Variants in TSC2 observed in about 807,000 individuals in gnomAD.
TSC2 encodes tuberin.
In TSC2, 29 loss-of-function variants were observed where a neutral mutation model predicts 202.2. That is an observed-to-expected ratio of 0.14 (90% CI 0.11 to 0.20). TSC2 has a LOEUF of 0.20. Among genes scored for constraint, TSC2 ranks in the 10% least tolerant of loss-of-function variants. The pLI is 1.00. For missense variants in TSC2, 2,429 were observed against 2,420.0 expected (o/e 1.00, Z -0.08); for synonymous variants, 1,349 against 1,044.0 (o/e 1.29, Z -5.63).
At chr16:2,052,604 T>C (rs2085269287) in intron 3 of TSC2, among the ~76,000 whole-genome samples, 1 of 152,172 alleles carries the variant, frequency 6.6e-6, no homozygotes, top group African/African-American at 2.4e-5. Context: ...GCCACCGCAC[T>C]TGGCCAGAAC....
chr16:2,059,670 C>T (rs2086391127), intron 10 of TSC2, among the ~76,000 whole-genome samples: 1 of 152,070 alleles, frequency 6.6e-6, no homozygotes, highest in South Asian at 2.1e-4. Flanking sequence ...TAGGCATGGG[C>T]CACTACACAC....
In TSC2 at chr16:2,079,818, C is replaced by A; in HGVS notation, c.3397+149C>A. On this transcript the variant is annotated intron_variant, in intron 29 of 41. Coordinates refer to ENST00000219476, the MANE Select transcript of TSC2 (RefSeq NM_000548.5). This position sits in a 1 kb window ranked among gnomAD's most constrained non-coding sequence, Gnocchi z 4.6. ...TCCTGACTCTGGGGTGAGCCTTCCA[C>A]AGCTCACCCCAGAGCCGTGGAGTGG... is the stretch of plus-strand genomic sequence containing the variant. 2.6e-6 allele frequency: 2 copies of A among 768,306 alleles called. No homozygotes were observed. Among genetic ancestry groups the A allele is most frequent in the Non-Finnish European group, 4.1e-6 (2 of 489,304 alleles). The allele number at this position is 768,306 out of a possible 1,614,324, so 47.6% of individuals were successfully genotyped here.
In TSC2 at chr16:2,086,842, G is replaced by A. The variant is rs771911660; in HGVS notation, c.4960G>A (p.Gly1654Ser). The change falls in exon 38 of 42, where the codon GGT (glycine) becomes AGT (serine). Residue 1654 changes from glycine to serine, a missense_variant. Transcript: ENST00000219476. ...DFVSIVYNDS[G>S]EDFKLGTIKG... ...TGTGTCCATTGTCTACAATGACTCC[G>A]GTGAGGACTTCAAGCTTGGCACCAT... 1.6e-5 allele frequency: 26 copies of A among 1,603,256 alleles called. No homozygotes were observed. Among genetic ancestry groups the A allele is most frequent in the South Asian group, 4.5e-5 (4 of 89,766 alleles).
At position 2,088,260 on chromosome 16, in the gene TSC2, C is replaced by T. The variant is rs759007975; in HGVS notation, c.5194C>T (p.Pro1732Ser). Reference sequence around the variant, plus strand: ...ACAGGTGCATCATAGCCGCTCCAACCCCACCGATATCTACCCCTCCAAGTG... The same window carrying T: ...ACAGGTGCATCATAGCCGCTCCAACTCCACCGATATCTACCCCTCCAAGTG... ...ASQVHHSRSN[P>S]TDIYPSKWIA... Residue 1732 changes from proline (P) to serine (S), a missense_variant, in exon 41 of 42, where the codon CCC becomes TCC. By Grantham distance (74) the Pro-to-Ser change is moderately conservative. Transcript: ENST00000219476. 3 of 1,598,674 alleles carry T rather than the reference C, an allele frequency of 1.9e-6. No homozygotes were observed. The highest frequency in any genetic ancestry group is 2.2e-5 in the South Asian group (2 of 90,654).
rs767003753 is a variant in TSC2 at position 2,087,024 on chromosome 16, C to T, written c.4989+153C>T. 4.2e-6 allele frequency: 5 copies of T among 1,194,440 alleles called. No homozygotes were observed. In the African/African-American group the frequency reaches 4.5e-5, roughly 11 times the overall value. The allele number at this position is 1,194,440 out of a possible 1,614,324, so 74.0% of individuals were successfully genotyped here. On this transcript the variant is annotated intron_variant, in intron 38 of 41. Coordinates refer to ENST00000219476, the MANE Select transcript of TSC2 (RefSeq NM_000548.5). ...GGCCCCGTGGGCACGAGCTTCACCC[C>T]GAGCCTGCGTTGTGTCCTCTGTGCC...
At chr16:2,087,546 G>A (rs1033956813) in intron 38 of TSC2, among the ~76,000 whole-genome samples, 4 of 151,818 alleles carry the variant, frequency 2.6e-5, no homozygotes, top group African/African-American at 4.8e-5. Context: ...TGGGGTGCAC[G>A]GCTCACTTCA....
intron 25 of TSC2, 87 bp from the exon 26 acceptor site, chr16:2,077,511 T>C (rs979519552): frequency 6.3e-6 from 10 of 1,597,332 alleles, no homozygotes; most frequent in Non-Finnish European, 8.5e-6. Context: ...GCCTGGGACC[T>C]TTCCTCCTCA....
At chr16:2,070,023 C>A (rs959875531) in intron 16 of TSC2, among the ~76,000 whole-genome samples, 2 of 152,196 alleles carry the variant, frequency 1.3e-5, no homozygotes, top group African/African-American at 4.8e-5. Context: ...GTCCCTCAGG[C>A]CAGATTTCCC....
chr16:2,070,763 C>A (rs1360625743), intron 17 of TSC2, among the ~76,000 whole-genome samples, 185 bp downstream of exon 17: 1 of 152,244 alleles, frequency 6.6e-6, no homozygotes, highest in Non-Finnish European at 1.5e-5. Flanking sequence ...TGCCTGCAGT[C>A]CACACATCTG....
rs768570301 is a variant in TSC2 at position 2,056,652 on chromosome 16, G to A, written c.657G>A (p.Leu219=). ...TASSVDIEVS[L]QVLDAVVCYN... ...GTCTCCCTCTCCACCAGGTCTCCCT[G>A]CAGGTGCTGGACGCCGTGGTCTGCT... The change falls in exon 8 of 42, where the codon CTG becomes CTA. Residue 219 remains leucine, a synonymous_variant. Transcript: ENST00000219476. 1.1e-5 allele frequency: 17 copies of A among 1,611,046 alleles called. No individual in the cohort carries two copies. The South Asian group carries it at 1.9e-4, about 18-fold the overall frequency.
rs1036101202 is a variant in TSC2 at position 2,057,019 on chromosome 16, C to T, written c.775-86C>T. ...GGCCGGACCTTGGGTGGCTATAGGG[C>T]AGCAGCCAGGCGGGGCCAGCAGCGG... is the stretch of plus-strand genomic sequence containing the variant. On this transcript the variant is annotated intron_variant, in intron 8 of 41. Coordinates refer to ENST00000219476, the MANE Select transcript of TSC2 (RefSeq NM_000548.5). 3.3e-6 allele frequency: 5 copies of T among 1,517,776 alleles called. No individual in the cohort carries two copies. The Admixed American group carries it at 5.9e-5, about 18-fold the overall frequency. 94.0% of individuals were successfully genotyped at this position (1,517,776 alleles called of 1,614,324 possible). A position where few individuals can be genotyped will look rare whatever the true frequency, so the allele number is the denominator to read the frequency against.
chr16:2,067,310 C>T (rs1461975907), intron 16 of TSC2, among the ~76,000 whole-genome samples: 13 of 151,994 alleles, frequency 8.6e-5, no homozygotes. Flanking sequence ...CATAGGCACA[C>T]GTCACCACAC....
rs1357414451 is a variant in TSC2, at chr16:2,055,985, T to C, written c.600-211T>C. 6 of 656,448 alleles carry C rather than the reference T, an allele frequency of 9.1e-6. No individual in the cohort carries two copies. In the East Asian group the frequency reaches 1.4e-4, roughly 15 times the overall value. 40.7% of individuals were successfully genotyped at this position (656,448 alleles called of 1,614,324 possible). On this transcript the variant is annotated intron_variant, in intron 6 of 41. Coordinates refer to ENST00000219476, the MANE Select transcript of TSC2 (RefSeq NM_000548.5). ...TCTTTTTGTTGTTTGTTTAGAATGT[T>C]GCATGAGCTCTGTCTCACTCATGCT...
rs2086859698 is a variant in TSC2, at chr16:2,063,219, G to C, written c.1443+166G>C. The C allele has an allele frequency of 7.2e-6, 6 of 829,290 alleles. No individual in the cohort carries two copies. The South Asian group carries it at 7.6e-5, about 10-fold the overall frequency. 51.4% of individuals were successfully genotyped at this position (829,290 alleles called of 1,614,324 possible). A position where few individuals can be genotyped will look rare whatever the true frequency, so the allele number is the denominator to read the frequency against. On this transcript the variant is annotated intron_variant, in intron 14 of 41. Transcript: ENST00000219476. ...GTCTGTTTACCCCTGTTCATTCACT[G>C]GCTTGCTCGTCCTGGGTGCCTCTGC...
rs45517357 is a variant in TSC2, at chr16:2,085,340, G to A, written c.4662+18G>A. On this transcript the variant is annotated intron_variant, in intron 36 of 41. Transcript: ENST00000219476. ...AAGGCCAGGTGAGGCTGCGGGGCCG[G>A]CCTAGGTGCCTGGACAGGGCCAGCT... is the stretch of plus-strand genomic sequence containing the variant. 195 of 1,612,260 alleles carry A rather than the reference G, an allele frequency of 1.2e-4. No homozygotes were observed. The highest frequency in any genetic ancestry group is 6.7e-4 in the East Asian group (30 of 44,884).
intron 9 of TSC2, 110 bp downstream of exon 9, chr16:2,057,288 G>A: frequency 2.2e-6 from 3 of 1,337,418 alleles, no homozygotes; most frequent in South Asian, 2.5e-5. Flanking sequence ...TGTCCTCTCG[G>A]GCAGCTGTTC....
At chr16:2,081,960 C>CACCTCCCACGGGTCAGCCT in intron 31 of TSC2, 162 bp downstream of exon 31, 1 of 1,050,806 alleles carries the variant, frequency 9.5e-7, no homozygotes, top group Non-Finnish European at 1.4e-6. Flanking sequence ...AGGAGGCTGA[C>CACCTCCCACGGGTCAGCCT]CCGTGGGAGG....
intron 16 of TSC2, among the ~76,000 whole-genome samples, chr16:2,069,522 C>G (rs1007173194): frequency 2.6e-5 from 4 of 151,116 alleles, no homozygotes; most frequent in African/African-American, 7.3e-5. Context: ...CTCTGTCGCC[C>G]AGGCTGGAGT....
chr16:2,085,993 G>C (rs1434837834), intron 36 of TSC2, among the ~76,000 whole-genome samples, 200 bp from the exon 37 acceptor site: 2 of 152,042 alleles, frequency 1.3e-5, no homozygotes, highest in Non-Finnish European at 2.9e-5. Flanking sequence ...TGCCGGCCAG[G>C]CACACACGGG....
Sources: allele counts gnomAD v4.1 joint callset (sites outside exome capture counted in the v4.1 genomes callset), GRCh38; gene constraint gnomAD v4.1.1; non-coding constraint Gnocchi (gnomAD v3.1); transcripts MANE v1.5; gene names NCBI Gene and HGNC (gene_info 2026-07-23, HGNC 2026-07-21).